The following COL22A1 variants were observed in gnomAD, a reference collection of about 807,000 sequenced individuals.
The protein encoded by COL22A1 is collagen alpha-1(XXII) chain.
COL22A1 carries 221 observed loss-of-function variants against 248.9 expected under a neutral mutation model. The ratio of observed to expected loss-of-function variants is 0.89; its 90% CI spans 0.80 to 0.99. The LOEUF is 0.99. Among genes scored for constraint, COL22A1 ranks in the 50% least tolerant of loss-of-function variants. The pLI, the probability that COL22A1 is intolerant of heterozygous loss-of-function variation, is 0.00. For synonymous variants in COL22A1, 891 were observed against 793.4 expected (o/e 1.12, Z -2.07); for missense variants, 2,240 against 2,179.0 (o/e 1.03, Z -0.56).
chr8:138,725,752 G>GACACACACAC lies in COL22A1; in HGVS notation c.2140-322_2140-313dup, dbSNP rs66497386. On this transcript the variant is annotated intron_variant, in intron 23 of 64. Coordinates refer to ENST00000303045, the MANE Select transcript of COL22A1 (RefSeq NM_152888.3). ...ATACATATATGTGTGCACATGTGCA[G>GACACACACAC]ACACACACACACACACACACACACA... Among the ~76,000 whole-genome samples, 66 of 148,684 alleles carry GACACACACAC rather than the reference G, an allele frequency of 4.4e-4. 1 individual carries two copies. In the South Asian group the frequency reaches 7.7e-3, roughly 17 times the overall value.
intron 22 of COL22A1, among the ~76,000 whole-genome samples, chr8:138,747,499 T>C (rs1428431128): frequency 6.6e-6 from 1 of 152,142 alleles, no homozygotes; most frequent in Non-Finnish European, 1.5e-5. Context: ...CATGGACCTC[T>C]GGGCTCCACC....
intron 37 of COL22A1, among the ~76,000 whole-genome samples, chr8:138,686,257 T>C (rs1826339875): frequency 1.3e-5 from 2 of 152,118 alleles, no homozygotes; most frequent in Non-Finnish European, 2.9e-5. Flanking sequence ...CTTGAGGACC[T>C]GGGCTTTGAG....
intron 47 of COL22A1, among the ~76,000 whole-genome samples, chr8:138,644,457 A>T (rs994261914): frequency 6.6e-6 from 1 of 152,046 alleles, no homozygotes; most frequent in Non-Finnish European, 1.5e-5. Context: ...AATAAAAATA[A>T]AATCCTAGGC....
In COL22A1 at chr8:138,852,488, G is replaced by A. The variant is rs184997852; in HGVS notation, c.659-8330C>T. 2.4e-4 allele frequency among the ~76,000 whole-genome samples: 36 copies of A among 152,310 alleles called. No individual in the cohort carries two copies. In the East Asian group the frequency reaches 6.8e-3, roughly 29 times the overall value. On this transcript the variant is annotated intron_variant, in intron 3 of 64. Transcript: ENST00000303045. ...ATGGTGGACATTTTCCATCTGAGATGTCCTATGGGTGCTCAGCAAGCATCT... is the reference window on the plus strand; with the variant it reads ...ATGGTGGACATTTTCCATCTGAGATATCCTATGGGTGCTCAGCAAGCATCT...
At chr8:138,762,908 G>A (rs1833611457) in intron 16 of COL22A1, among the ~76,000 whole-genome samples, 2 of 152,220 alleles carry the variant, frequency 1.3e-5, no homozygotes. Context: ...AGACTTCAGA[G>A]TGAACTGCTG....
In COL22A1 at chr8:138,679,720, T is replaced by C. The variant is rs746530077; in HGVS notation, c.3013-44A>G. ...CACTCATTTCTTCACCAAACAAATG[T>C]TTACCAAGCACCTAAAATAATTCAG... On this transcript the variant is annotated intron_variant, in intron 39 of 64. Coordinates refer to ENST00000303045, the MANE Select transcript of COL22A1 (RefSeq NM_152888.3). 1.3e-5 allele frequency: 20 copies of C among 1,555,214 alleles called. No homozygotes were observed. In the Admixed American group the frequency reaches 3.3e-4, roughly 26 times the overall value.
chr8:138,859,779 A>G (rs1286872409), intron 3 of COL22A1, among the ~76,000 whole-genome samples: 4 of 152,144 alleles, frequency 2.6e-5, no homozygotes, highest in African/African-American at 4.8e-5. Context: ...AGGGATGGGC[A>G]TCGGTGTGGC....
chr8:138,868,935 T>C (rs1250255592), intron 3 of COL22A1, among the ~76,000 whole-genome samples: 9 of 152,174 alleles, frequency 5.9e-5, no homozygotes, highest in Non-Finnish European at 8.8e-5. Flanking sequence ...TTTCACCATA[T>C]TGGTCAGGCT....
chr8:138,885,524 A>G (rs1264569898), intron 1 of COL22A1, among the ~76,000 whole-genome samples: 1 of 152,034 alleles, frequency 6.6e-6, no homozygotes, highest in Non-Finnish European at 1.5e-5. Flanking sequence ...CCTGCCTCAA[A>G]TCCCTCCTAC....
intron 23 of COL22A1, among the ~76,000 whole-genome samples, chr8:138,732,166 G>A (rs558007574): frequency 6.6e-6 from 1 of 152,234 alleles, no homozygotes; most frequent in African/African-American, 2.4e-5. Context: ...GCCAAAAAAT[G>A]TCTAGAAAGC....
At chr8:138,683,162 G>A (rs1826086584) in intron 39 of COL22A1, among the ~76,000 whole-genome samples, 1 of 152,086 alleles carries the variant, frequency 6.6e-6, no homozygotes. Context: ...TGTTTTCCTG[G>A]CTGAACCGTG....
chr8:138,685,594 T>C (rs910988847), intron 37 of COL22A1, among the ~76,000 whole-genome samples: 2 of 152,178 alleles, frequency 1.3e-5, no homozygotes, highest in African/African-American at 4.8e-5. Flanking sequence ...CCCTCCCCAA[T>C]GGTCCTAATC....
intron 41 of COL22A1, among the ~76,000 whole-genome samples, chr8:138,670,162 C>T (rs1407597234): frequency 2.0e-5 from 3 of 152,188 alleles, no homozygotes; most frequent in African/African-American, 7.2e-5. Context: ...GCTAGGATTA[C>T]AGGTTGAGCC....
intron 1 of COL22A1, among the ~76,000 whole-genome samples, chr8:138,907,703 C>T (rs79123895): frequency 0.012 from 1,800 of 152,276 alleles, 21 homozygotes; most frequent in African/African-American, 0.04. Flanking sequence ...TGCCTCACAG[C>T]GCTACAGGCT....
chr8:138,600,050 G>T (rs1330909879), intron 60 of COL22A1, among the ~76,000 whole-genome samples: 1 of 152,152 alleles, frequency 6.6e-6, no homozygotes, highest in African/African-American at 2.4e-5. Flanking sequence ...GTTCACAGAG[G>T]ATTATCCAAT....
chr8:138,773,481 C>T (rs561324484), intron 16 of COL22A1, among the ~76,000 whole-genome samples: 2 of 152,348 alleles, frequency 1.3e-5, no homozygotes, highest in South Asian at 4.1e-4. Flanking sequence ...ATTGTCCTTA[C>T]AGGGGATCTG....
chr8:138,628,439 TAGTC>T (rs1820430048), intron 50 of COL22A1, among the ~76,000 whole-genome samples: 1 of 152,040 alleles, frequency 6.6e-6, no homozygotes, highest in South Asian at 2.1e-4. Flanking sequence ...ATACAAAAAT[TAGTC>T]AGAAATCACT....
chr8:138,600,453 G>A (rs1817907382), intron 60 of COL22A1, among the ~76,000 whole-genome samples: 2 of 152,164 alleles, frequency 1.3e-5, no homozygotes, highest in African/African-American at 4.8e-5. Flanking sequence ...TGAGACAATA[G>A]ATAACGTCTG....
At chr8:138,655,300 G>A (rs781304178) in intron 45 of COL22A1, among the ~76,000 whole-genome samples, 36 of 152,172 alleles carry the variant, frequency 2.4e-4, no homozygotes, top group Non-Finnish European at 8.8e-5. Flanking sequence ...GCCACATGCA[G>A]CTATTAAGTA....
Sources: allele counts gnomAD v4.1 joint callset (sites outside exome capture counted in the v4.1 genomes callset), GRCh38; gene constraint gnomAD v4.1.1; transcripts MANE v1.5; gene names NCBI Gene and HGNC (gene_info 2026-07-23, HGNC 2026-07-21).